Variants in FOCAD observed in about 807,000 individuals in gnomAD.
FOCAD encodes the protein focadhesin, also known as KIAA1797.
In FOCAD, 198 loss-of-function variants were observed where a neutral mutation model predicts 225.6. That is an observed-to-expected ratio of 0.88 (90% CI 0.78 to 0.99). The LOEUF is 0.99. FOCAD is among the 50% of genes least tolerant of loss of function. The pLI is 0.00. For synonymous variants in FOCAD, 897 were observed against 755.0 expected (o/e 1.19, Z -3.08); for missense variants, 2,713 against 2,123.6 (o/e 1.28, Z -5.46).
At chr9:20,878,387 G>A (rs987612997) in intron 19 of FOCAD, among the ~76,000 whole-genome samples, 4 of 152,100 alleles carry the variant, frequency 2.6e-5, no homozygotes, top group Non-Finnish European at 5.9e-5. Flanking sequence ...AATTTGGTGA[G>A]TATATATTCT....
At chr9:20,862,293 G>A (rs1036281053) in intron 15 of FOCAD, among the ~76,000 whole-genome samples, 18 of 152,018 alleles carry the variant, frequency 1.2e-4, no homozygotes, top group African/African-American at 3.4e-4. Flanking sequence ...AATTTTGTGT[G>A]TGTCGGTGGG....
intron 8 of FOCAD, among the ~76,000 whole-genome samples, chr9:20,771,193 A>C (rs185116029): frequency 7.9e-5 from 12 of 152,316 alleles, no homozygotes; most frequent in South Asian, 6.2e-4. Context: ...CTTATTCAAA[A>C]AAACAAGAGG....
intron 26 of FOCAD, among the ~76,000 whole-genome samples, chr9:20,926,690 G>A (rs564592254): frequency 9.8e-4 from 149 of 151,894 alleles, no homozygotes; most frequent in Admixed American, 7.2e-4. Flanking sequence ...GGCTGAGGCA[G>A]GAGAATCACT....
intron 43 of FOCAD, among the ~76,000 whole-genome samples, chr9:20,994,149 T>C (rs1386391663): frequency 6.6e-6 from 1 of 152,250 alleles, no homozygotes; most frequent in African/African-American, 2.4e-5. Flanking sequence ...ATGAGCTTCA[T>C]AGTATCTTGC....
At chr9:20,948,525 A>G (rs988324534) in intron 31 of FOCAD, 132 bp downstream of exon 31, 7 of 983,134 alleles carry the variant, frequency 7.1e-6, no homozygotes, top group African/African-American at 1.7e-5. Context: ...AATGAAAGAG[A>G]TCACATACTT....
chr9:20,822,391 A>T (rs1824424567), intron 14 of FOCAD, among the ~76,000 whole-genome samples: 1 of 152,094 alleles, frequency 6.6e-6, no homozygotes, highest in Non-Finnish European at 1.5e-5. Flanking sequence ...CATGAAATTA[A>T]TGGTATTCTG....
At chr9:20,830,672 A>T (rs1825390959) in intron 15 of FOCAD, among the ~76,000 whole-genome samples, 1 of 151,902 alleles carries the variant, frequency 6.6e-6, no homozygotes, top group African/African-American at 2.4e-5. Context: ...GTTGCTTCCC[A>T]TTTTTCTCTC....
chr9:20,977,611 TA>T (rs1840332871), intron 36 of FOCAD, among the ~76,000 whole-genome samples: 2 of 152,242 alleles, frequency 1.3e-5, no homozygotes, highest in South Asian at 2.1e-4. Flanking sequence ...GTGAGTGCTC[TA>T]TCATTTATAG....
chr9:20,871,523 G>A (rs1205708037), intron 18 of FOCAD, among the ~76,000 whole-genome samples: 1 of 151,634 alleles, frequency 6.6e-6, no homozygotes, highest in Non-Finnish European at 1.5e-5. Context: ...ACACAACCAG[G>A]GGGAAAGACT....
chr9:20,895,399 G>A (rs549421934), intron 21 of FOCAD, among the ~76,000 whole-genome samples: 6 of 152,050 alleles, frequency 3.9e-5, no homozygotes, highest in Admixed American at 1.3e-4. Flanking sequence ...TATAGATGAA[G>A]TTAGGAAGAA....
At chr9:20,911,239 AG>A (rs1244138368) in intron 22 of FOCAD, among the ~76,000 whole-genome samples, 2 of 152,118 alleles carry the variant, frequency 1.3e-5, no homozygotes, top group Non-Finnish European at 1.5e-5. Context: ...ATGGAGAATG[AG>A]GATTGATATG....
At chr9:20,882,428 C>T (rs1488443609) in intron 20 of FOCAD, among the ~76,000 whole-genome samples, 3 of 152,270 alleles carry the variant, frequency 2.0e-5, no homozygotes, top group Admixed American at 6.5e-5. Flanking sequence ...TTTGAATTTG[C>T]ACCAAGAGCT....
At chr9:20,952,264 A>C (rs1837752987) in intron 34 of FOCAD, among the ~76,000 whole-genome samples, 2 of 152,126 alleles carry the variant, frequency 1.3e-5, no homozygotes, top group Admixed American at 1.3e-4. Flanking sequence ...ATCATCTTAT[A>C]CCCAGGTTCT....
intron 7 of FOCAD, among the ~76,000 whole-genome samples, chr9:20,768,124 T>C (rs1240875610): frequency 1.3e-5 from 2 of 149,134 alleles, no homozygotes; most frequent in African/African-American, 4.9e-5. Context: ...TTGTCAAAGA[T>C]CAGATAGTTG....
rs1254818277 is a variant in FOCAD, at chr9:20,987,970, T to C, written c.4907-362T>C. On this transcript the variant is annotated intron_variant, in intron 40 of 43. Transcript: ENST00000338382. ...GGAACACTGAAGCAAAGGAGAACTA[T>C]AAAAACAAATAATTGTCAACAATTC... is the stretch of plus-strand genomic sequence containing the variant. Among the ~76,000 whole-genome samples, 26 of 152,236 alleles carry C rather than the reference T, an allele frequency of 1.7e-4. 1 individual carries two copies. Among genetic ancestry groups the C allele is most frequent in the Admixed American group, 1.7e-3 (26 of 15,284 alleles).
intron 5 of FOCAD, among the ~76,000 whole-genome samples, chr9:20,745,341 C>T (rs1236451165): frequency 3.3e-5 from 5 of 152,126 alleles, no homozygotes; most frequent in Non-Finnish European, 4.4e-5. Flanking sequence ...CCACCTGCTT[C>T]GGCCTCCCAA....
chr9:20,746,929 G>C (rs1483629315), intron 5 of FOCAD, among the ~76,000 whole-genome samples: 1 of 152,066 alleles, frequency 6.6e-6, no homozygotes, highest in African/African-American at 2.4e-5. Flanking sequence ...TATAAATGAC[G>C]CTGTGTCCTT....
intron 18 of FOCAD, among the ~76,000 whole-genome samples, chr9:20,869,379 T>A (rs1269195943): frequency 2.0e-5 from 3 of 152,214 alleles, no homozygotes; most frequent in Non-Finnish European, 4.4e-5. Flanking sequence ...CAAATGTGGC[T>A]ACTTTGTGAA....
In FOCAD at chr9:20,974,786, G is replaced by T. The variant is rs138509779; in HGVS notation, c.4133-1634G>T. On this transcript the variant is annotated intron_variant, in intron 35 of 43. Transcript: ENST00000338382. ...CCCCATTTTAGCATCTGCTAATTTG[G>T]CCTCTGCTTCTCCTTTTTCCTGTGC... 6.0e-3 allele frequency among the ~76,000 whole-genome samples: 906 copies of T among 150,258 alleles called. 6 individuals carry two copies. The highest frequency in any genetic ancestry group is 0.031 in the Middle Eastern group (9 of 288).
Sources: allele counts gnomAD v4.1 joint callset (sites outside exome capture counted in the v4.1 genomes callset), GRCh38; gene constraint gnomAD v4.1.1; transcripts MANE v1.5; gene names NCBI Gene and HGNC (gene_info 2026-07-23, HGNC 2026-07-21).